The following PCYT2 variants were observed in gnomAD, a reference collection of about 807,000 sequenced individuals.
The protein encoded by PCYT2 is phosphate cytidylyltransferase 2, ethanolamine.
PCYT2 carries 33 observed loss-of-function variants against 50.0 expected under a neutral mutation model. That is an observed-to-expected ratio of 0.66 (90% CI 0.50 to 0.88). The LOEUF is 0.88. Among genes scored for constraint, PCYT2 ranks in the 40% least tolerant of loss-of-function variants. The pLI is 0.00. For synonymous variants in PCYT2, 240 were observed against 203.7 expected, an observed-to-expected ratio of 1.18 and a Z score of -1.52; for missense variants, 430 against 519.7, an observed-to-expected ratio of 0.83 and a Z score of 1.68.
rs781073376 is a variant in PCYT2, at chr17:81,911,300, C to T, written c.56G>A (p.Gly19Asp). 12 of 1,136,680 alleles carry T rather than the reference C, an allele frequency of 1.1e-5. No individual in the cohort carries two copies. Among genetic ancestry groups the T allele is most frequent in the Non-Finnish European group, 1.1e-5 (10 of 913,636 alleles). 70.4% of individuals were successfully genotyped at this position (1,136,680 alleles called of 1,614,324 possible). The change falls in exon 1 of 13, where the codon GGC (glycine) becomes GAC (aspartate). Residue 19 changes from glycine (G) to aspartate (D), a missense_variant. Gly to Asp is a moderately conservative substitution (Grantham distance 94). Coordinates refer to ENST00000538936, the MANE Select transcript of PCYT2 (RefSeq NM_002861.5). ...GCACCACACCCTCACGGCGCGCCTG[C>T]CCCCCGGGCCCGGCTGCTCTGCGCC... ...AGGAEQPGPG[G>D]RRAVRVWCDG...
intron 9 of PCYT2, 41 bp from the exon 10 acceptor site, chr17:81,905,776 G>A: frequency 6.3e-7 from 1 of 1,597,598 alleles, no homozygotes; most frequent in Non-Finnish European, 8.6e-7. Context: ...CTCGGTCCCT[G>A]CTACTGGTAA....
chr17:81,907,347 C>T (rs897764161), intron 6 of PCYT2: 31 of 1,328,854 alleles, frequency 2.3e-5, no homozygotes, highest in South Asian at 5.5e-5. Context: ...CTGCCGTGAC[C>T]GGCCAGCCGG....
chr17:81,908,476 C>A, intron 4 of PCYT2, 92 bp downstream of exon 4: 1 of 959,644 alleles, frequency 1.0e-6, no homozygotes, highest in Non-Finnish European at 1.6e-6. Context: ...TGGACGCTCC[C>A]CTCACGGGCT....
chr17:81,905,138 CCCCTT>C lies in PCYT2; in HGVS notation c.981_985del (p.Arg328HisfsTer6), dbSNP rs1238555086. 1.2e-6 allele frequency: 2 copies of C among 1,612,908 alleles called. No homozygotes were observed. The highest frequency in any genetic ancestry group is 1.7e-6 in the Non-Finnish European group (2 of 1,179,678). On this transcript the variant is annotated frameshift_variant, in exon 12 of 13. Coordinates refer to ENST00000538936, the MANE Select transcript of PCYT2 (RefSeq NM_002861.5). LOFTEE classifies it high-confidence loss of function. The stretch of plus-strand genomic sequence containing the variant: ...GCCACTGTCAATCTGACGGAAGATG[CCCCTT>C]CTCTTGGGCTCCTGGGGGTCCAGAG...
chr17:81,906,233 G>A, intron 8 of PCYT2, 56 bp from the exon 9 acceptor site: 1 of 1,426,406 alleles, frequency 7.0e-7, no homozygotes, highest in Non-Finnish European at 9.7e-7. Flanking sequence ...GACAGGGTGT[G>A]CCCCTCCCGG....
At position 81,901,996 on chromosome 17, in the gene PCYT2, G is replaced by C. The variant is rs113089705; in HGVS notation, c.*2837C>G. 1 of 233,346 alleles carries C rather than the reference G, an allele frequency of 4.3e-6. No homozygotes were observed. Among genetic ancestry groups the C allele is most frequent in the African/African-American group, 2.3e-5 (1 of 43,758 alleles). 14.5% of individuals were successfully genotyped at this position (233,346 alleles called of 1,614,324 possible). A position where few individuals can be genotyped will look rare whatever the true frequency, so the allele number is the denominator to read the frequency against. On this transcript the variant is annotated 3_prime_UTR_variant, in exon 13 of 13. Transcript: ENST00000538936. ...TGCCACTGCGGCCCACGCAAGCCGG[G>C]CCTGAAGGGCGCGAGCGGCATGGGT... is the stretch of plus-strand genomic sequence containing the variant.
At chr17:81,907,029 A>G in intron 6 of PCYT2, 131 bp from the exon 7 acceptor site, 2 of 1,171,534 alleles carry the variant, frequency 1.7e-6, no homozygotes, top group Non-Finnish European at 2.4e-6. Flanking sequence ...CAGGGGACAC[A>G]CTGCCAGGCC....
chr17:81,907,348 G>A (rs997145515), intron 6 of PCYT2: 88 of 1,330,628 alleles, frequency 6.6e-5, no homozygotes, highest in Admixed American at 4.1e-4. Context: ...TGCCGTGACC[G>A]GCCAGCCGGT....
Position 81,908,940 on chromosome 17 carries a change from C to T in PCYT2, c.276G>A (p.Ala92=), listed in dbSNP as rs751559860. 11 of 1,614,062 alleles carry T rather than the reference C, an allele frequency of 6.8e-6. No homozygotes were observed. Among genetic ancestry groups the T allele is most frequent in the East Asian group, 2.2e-5 (1 of 44,890 alleles). Residue 92 remains alanine (A), a synonymous_variant, in exon 3 of 13, where the codon GCG becomes GCA. Coordinates refer to ENST00000538936, the MANE Select transcript of PCYT2 (RefSeq NM_002861.5). ...TCTCTAGTGTAGTGACGTAGGGAGC[C>T]GCTGGCACCACCTCGTCCACCCATT... is the stretch of plus-strand genomic sequence containing the variant. The part of the protein sequence containing the change: ...AIKWVDEVVP[A]APYVTTLETL...
chr17:81,906,304 G>A, intron 8 of PCYT2, 127 bp from the exon 9 acceptor site: 1 of 1,081,608 alleles, frequency 9.2e-7, no homozygotes, highest in South Asian at 1.5e-5. Flanking sequence ...CCCCAGACAG[G>A]ACAGCCCTGG....
rs544627536 is a variant in PCYT2 at position 81,902,742 on chromosome 17, C to A, written c.*2091G>T. On this transcript the variant is annotated 3_prime_UTR_variant, in exon 13 of 13. Coordinates refer to ENST00000538936, the MANE Select transcript of PCYT2 (RefSeq NM_002861.5). ...CCCTGCGCGCAGCCGACTGCCTCGC[C>A]GCCTGAGCCCGGACCTCTCCTGGCA... The A allele has an allele frequency of 1.2e-6, 2 of 1,605,964 alleles. No individual in the cohort carries two copies. Among genetic ancestry groups the A allele is most frequent in the African/African-American group, 2.7e-5 (2 of 74,424 alleles).
At chr17:81,906,984 T>A in intron 6 of PCYT2, 86 bp from the exon 7 acceptor site, 1 of 1,438,462 alleles carries the variant, frequency 7.0e-7, no homozygotes, top group Non-Finnish European at 9.5e-7. Flanking sequence ...AGCTGTCACC[T>A]GCCAGCAATC....
At position 81,902,747 on chromosome 17, in the gene PCYT2, G is replaced by A. The variant is rs376467227; in HGVS notation, c.*2086C>T. The stretch of plus-strand genomic sequence containing the variant: ...CGCGCAGCCGACTGCCTCGCCGCCT[G>A]AGCCCGGACCTCTCCTGGCACCGCT... On this transcript the variant is annotated 3_prime_UTR_variant, in exon 13 of 13. Transcript: ENST00000538936. 4.4e-6 allele frequency: 7 copies of A among 1,605,586 alleles called. No homozygotes were observed. The highest frequency in any genetic ancestry group is 4.2e-6 in the Non-Finnish European group (5 of 1,177,528).
chr17:81,910,765 C>T, intron 1 of PCYT2: 1 of 478,612 alleles, frequency 2.1e-6, no homozygotes, highest in Non-Finnish European at 2.7e-6. Flanking sequence ...TTGTTGACAA[C>T]CCGAAACTTT....
In PCYT2 at chr17:81,902,511, C is replaced by G. The variant is rs769314349; in HGVS notation, c.*2322G>C. The G allele has an allele frequency of 4.9e-6, 7 of 1,441,850 alleles. 1 individual carries two copies. Among genetic ancestry groups the G allele is most frequent in the South Asian group, 2.8e-5 (2 of 72,330 alleles). 89.3% of individuals were successfully genotyped at this position (1,441,850 alleles called of 1,614,324 possible). On this transcript the variant is annotated 3_prime_UTR_variant, in exon 13 of 13. Coordinates refer to ENST00000538936, the MANE Select transcript of PCYT2 (RefSeq NM_002861.5). The stretch of plus-strand genomic sequence containing the variant: ...CCTCCCCGGAGCTGCAACTGCACCC[C>G]AGGCTGCGGAGCCTCGTGAGTCCGG...
In PCYT2 at chr17:81,906,257, G is replaced by A. The variant is rs560840189; in HGVS notation, c.760-80C>T. On this transcript the variant is annotated intron_variant, in intron 8 of 12. Transcript: ENST00000538936. Reference sequence around the variant, plus strand: ...TGCCCCTCCCGGCTGTCCCTCATGGGAAGAAGTCGGGGAGGTTGCTCGCCC... The same window carrying A: ...TGCCCCTCCCGGCTGTCCCTCATGGAAAGAAGTCGGGGAGGTTGCTCGCCC... 81 of 1,337,498 alleles carry A rather than the reference G, an allele frequency of 6.1e-5. 1 individual carries two copies. In the African/African-American group the frequency reaches 9.9e-4, roughly 16 times the overall value. 82.9% of individuals were successfully genotyped at this position (1,337,498 alleles called of 1,614,324 possible). A position where few individuals can be genotyped will look rare whatever the true frequency, so the allele number is the denominator to read the frequency against.
intron 12 of PCYT2, 52 bp from the exon 13 acceptor site, chr17:81,904,996 G>T: frequency 6.3e-7 from 1 of 1,587,252 alleles, no homozygotes; most frequent in East Asian, 2.2e-5. Flanking sequence ...CGGCTCCGAG[G>T]GGGAGGGCAC....
chr17:81,902,445 C>G lies in PCYT2; in HGVS notation c.*2388G>C, dbSNP rs2039989737. ...GCAGGTCCCCGTACGCGCGGCGCTC[C>G]CAGCCCTACAGAGGGGCGGAACCCC... On this transcript the variant is annotated 3_prime_UTR_variant, in exon 13 of 13. Transcript: ENST00000538936. 2.2e-6 allele frequency: 3 copies of G among 1,362,838 alleles called. No homozygotes were observed. The highest frequency in any genetic ancestry group is 2.8e-6 in the Non-Finnish European group (3 of 1,066,134). 84.4% of individuals were successfully genotyped at this position (1,362,838 alleles called of 1,614,324 possible). A position where few individuals can be genotyped will look rare whatever the true frequency, so the allele number is the denominator to read the frequency against.
In PCYT2 at chr17:81,902,707, G is replaced by A. The variant is rs765676976; in HGVS notation, c.*2126C>T. ...CGGGACCTACCAGTGCAAGGCGAAC[G>A]TCTTCCTGTCCCTGCGCGCAGCCGA... On this transcript the variant is annotated 3_prime_UTR_variant, in exon 13 of 13. Coordinates refer to ENST00000538936, the MANE Select transcript of PCYT2 (RefSeq NM_002861.5). 1.9e-6 allele frequency: 3 copies of A among 1,608,886 alleles called. No homozygotes were observed. The highest frequency in any genetic ancestry group is 2.5e-6 in the Non-Finnish European group (3 of 1,178,812).
Sources: allele counts gnomAD v4.1 joint callset, GRCh38; gene constraint gnomAD v4.1.1; transcripts MANE v1.5; gene names NCBI Gene and HGNC (gene_info 2026-07-23, HGNC 2026-07-21).